COQ3: variants seen among roughly 807,000 people sequenced by gnomAD.
COQ3 encodes the protein ubiquinone biosynthesis O-methyltransferase, mitochondrial.
In COQ3, 29 loss-of-function variants were observed where a neutral mutation model predicts 33.1. That is an observed-to-expected ratio of 0.88 (90% CI 0.65 to 1.19). The LOEUF (loss-of-function observed/expected upper bound fraction) is 1.19. Ranked by LOEUF, COQ3 falls within the 50% of genes most tolerant of loss-of-function variation. The pLI, the probability that COQ3 is intolerant of heterozygous loss-of-function variation, is 0.00. For synonymous variants in COQ3, 173 were observed against 157.8 expected (o/e 1.10, Z -0.72); for missense variants, 437 against 430.7 (o/e 1.01, Z -0.13).
chr6:99,386,189 G>A (rs1169059031), intron 1 of COQ3, among the ~76,000 whole-genome samples: 3 of 152,044 alleles, frequency 2.0e-5, no homozygotes, highest in East Asian at 1.9e-4. Flanking sequence ...CAGAGCTTCG[G>A]GAGGCCAAGG....
Position 99,383,826 on chromosome 6 carries a change from T to C in COQ3, c.107-2A>G. On this transcript the variant is annotated splice_acceptor_variant, in intron 1 of 6. Transcript: ENST00000254759. LOFTEE classifies it high-confidence loss of function. ...CACTGAGCTGGTTCTTCACATAAAC[T>C]GAAAAAAAAAATTAAATATCTAGAG... The C allele has an allele frequency of 6.4e-7, 1 of 1,562,756 alleles. No homozygotes were observed. The highest frequency in any genetic ancestry group is 8.6e-7 in the Non-Finnish European group (1 of 1,162,244).
chr6:99,369,871 C>T, intron 6 of COQ3, 51 bp from the exon 7 acceptor site: 3 of 1,255,832 alleles, frequency 2.4e-6, no homozygotes, highest in Non-Finnish European at 3.4e-6. Context: ...ATTTTCCTTC[C>T]AATTTCCAAG....
chr6:99,374,465 A>G (rs2128470300), intron 5 of COQ3, among the ~76,000 whole-genome samples: 1 of 152,288 alleles, frequency 6.6e-6, no homozygotes, highest in East Asian at 1.9e-4. Flanking sequence ...TATCTTTGCA[A>G]TTTTGCTATA....
Position 99,394,114 on chromosome 6 carries a change from G to T in COQ3, c.66C>A (p.Gly22=). The stretch of plus-strand genomic sequence containing the variant: ...AGGGACGCGCAGCTTTTGTATTACA[G>T]CCTCCAGGCCCCAGCACTCTTAAAA... ...GWFLRVLGPG[G]CNTKAARPLI... Residue 22 remains glycine (G), a synonymous_variant, in exon 1 of 7, where the codon GGC becomes GGA. Coordinates refer to ENST00000254759, the MANE Select transcript of COQ3 (RefSeq NM_017421.4). The T allele has an allele frequency of 6.2e-7, 1 of 1,613,706 alleles. No individual in the cohort carries two copies. Among genetic ancestry groups the T allele is most frequent in the Non-Finnish European group, 8.5e-7 (1 of 1,179,834 alleles).
Position 99,373,579 on chromosome 6 carries a change from T to A in COQ3, c.730-1992A>T, listed in dbSNP as rs1174397095. 2.0e-5 allele frequency among the ~76,000 whole-genome samples: 3 copies of A among 152,132 alleles called. No homozygotes were observed. The East Asian group carries it at 5.8e-4, about 29-fold the overall frequency. On this transcript the variant is annotated intron_variant, in intron 5 of 6. Coordinates refer to ENST00000254759, the MANE Select transcript of COQ3 (RefSeq NM_017421.4). ...AGTTTTAAACCCTACAATGCCAGCA[T>A]CCCTCATATGTGTCAAAGAACCTCC...
At position 99,392,430 on chromosome 6, in the gene COQ3, C is replaced by T. The variant is rs555055494; in HGVS notation, c.106+1644G>A. On this transcript the variant is annotated intron_variant, in intron 1 of 6. Transcript: ENST00000254759. ...TGCTTCTTCAGTGATTTCCACTGTC[C>T]GCGGGATAGTCTACCTCAGGAGGTG... Among the ~76,000 whole-genome samples the T allele has an allele frequency of 7.2e-5, 11 of 152,220 alleles. No individual in the cohort carries two copies. In the South Asian group the frequency reaches 1.5e-3, roughly 20 times the overall value.
chr6:99,380,003 C>A (rs1006260253), intron 3 of COQ3, among the ~76,000 whole-genome samples, 186 bp downstream of exon 3: 16 of 152,010 alleles, frequency 1.1e-4, no homozygotes, highest in Non-Finnish European at 1.9e-4. Flanking sequence ...CAGCCTTGAC[C>A]TTGCATGATA....
chr6:99,384,051 C>A (rs1774548157), intron 1 of COQ3, among the ~76,000 whole-genome samples: 1 of 151,886 alleles, frequency 6.6e-6, no homozygotes, highest in Non-Finnish European at 1.5e-5. Context: ...CAAGCGCAGG[C>A]CACCAGGCCC....
intron 1 of COQ3, 134 bp downstream of exon 1, chr6:99,393,940 G>T: frequency 2.8e-6 from 2 of 708,284 alleles, no homozygotes; most frequent in South Asian, 1.6e-5. Flanking sequence ...GATGGGGCCA[G>T]GACCAAGCCT....
rs753762856 is a variant in COQ3, at chr6:99,394,162, C to G, written c.18G>C (p.Lys6Asn). ...AAAACCAACCCCCGGAGGAGCCCAGCTTACGGCCACTCCACATCGCGACAA... is the reference window on the plus strand; with the variant it reads ...AAAACCAACCCCCGGAGGAGCCCAGGTTACGGCCACTCCACATCGCGACAA... Reference protein sequence around the residue: MWSGRKLGSSGGWFLR... With the variant: MWSGRNLGSSGGWFLR... Residue 6 changes from lysine (K) to asparagine (N), a missense_variant, in exon 1 of 7, where the codon AAG becomes AAC. Lys to Asn is a moderately conservative substitution (Grantham distance 94). Coordinates refer to ENST00000254759, the MANE Select transcript of COQ3 (RefSeq NM_017421.4). The G allele has an allele frequency of 1.2e-6, 2 of 1,601,902 alleles. No individual in the cohort carries two copies. Among genetic ancestry groups the G allele is most frequent in the Non-Finnish European group, 1.7e-6 (2 of 1,174,096 alleles).
At chr6:99,382,089 T>C (rs552309310) in intron 2 of COQ3, among the ~76,000 whole-genome samples, 1 of 152,310 alleles carries the variant, frequency 6.6e-6, no homozygotes, top group South Asian at 2.1e-4. Context: ...ACAAGCACTA[T>C]GAAGGCAAGG....
chr6:99,377,336 T>C (rs761891776), intron 4 of COQ3, 50 bp downstream of exon 4: 3 of 1,281,340 alleles, frequency 2.3e-6, no homozygotes, highest in Non-Finnish European at 2.3e-6. Flanking sequence ...ACAAGTCTAC[T>C]TCTTAATTTT....
Position 99,369,802 on chromosome 6 carries a change from G to T in COQ3, c.908C>A (p.Thr303Lys). The T allele has an allele frequency of 6.3e-7, 1 of 1,583,412 alleles. No individual in the cohort carries two copies. The highest frequency in any genetic ancestry group is 8.6e-7 in the Non-Finnish European group (1 of 1,159,902). The change falls in exon 7 of 7, where the codon ACA becomes AAA. Residue 303 changes from threonine to lysine, a missense_variant. By Grantham distance (78) the Thr-to-Lys change is moderately conservative. Coordinates refer to ENST00000254759, the MANE Select transcript of COQ3 (RefSeq NM_017421.4). ...GGGGTTATAGAGCATTCCTACCACT[G>T]TTTGAACTGACAGACCATCTGAAAA... is the stretch of plus-strand genomic sequence containing the variant. ...ILESNGLSVQ[T>K]VVGMLYNPFS...
chr6:99,382,619 C>CTTT (rs948507459), intron 2 of COQ3, among the ~76,000 whole-genome samples: 2 of 152,078 alleles, frequency 1.3e-5, no homozygotes, highest in African/African-American at 4.8e-5. Context: ...TAAACCCAAA[C>CTTT]TCAAAGGGGC....
At chr6:99,384,332 C>T (rs1774556779) in intron 1 of COQ3, among the ~76,000 whole-genome samples, 1 of 151,930 alleles carries the variant, frequency 6.6e-6, no homozygotes, top group Admixed American at 6.6e-5. Flanking sequence ...TAACTCTAAC[C>T]CAGACATTTC....
chr6:99,377,683 G>C (rs1774336949), intron 3 of COQ3, among the ~76,000 whole-genome samples, 198 bp from the exon 4 acceptor site: 1 of 151,810 alleles, frequency 6.6e-6, no homozygotes, highest in South Asian at 2.1e-4. Flanking sequence ...TTAAAGGTCT[G>C]AAATAATCTA....
chr6:99,380,983 C>T (rs1774458080), intron 2 of COQ3, among the ~76,000 whole-genome samples: 1 of 152,102 alleles, frequency 6.6e-6, no homozygotes, highest in Non-Finnish European at 1.5e-5. Context: ...TTTAAGAGCT[C>T]CACATATATT....
chr6:99,377,600 T>A (rs76098524), intron 3 of COQ3, 115 bp from the exon 4 acceptor site: 19 of 417,792 alleles, frequency 4.5e-5, no homozygotes, highest in Admixed American at 3.0e-4. Flanking sequence ...AATTATTCAT[T>A]TTTTTTATAA....
intron 4 of COQ3, 70 bp from the exon 5 acceptor site, chr6:99,376,252 C>G: frequency 6.6e-7 from 1 of 1,517,802 alleles, no homozygotes; most frequent in East Asian, 2.3e-5. Context: ...AAAAGCTTAT[C>G]AAAAATGAAA....
Sources: allele counts gnomAD v4.1 joint callset (sites outside exome capture counted in the v4.1 genomes callset), GRCh38; gene constraint gnomAD v4.1.1; transcripts MANE v1.5; gene names NCBI Gene and HGNC (gene_info 2026-07-23, HGNC 2026-07-21).